Variants in IL12RB2 observed in about 807,000 individuals in gnomAD.
IL12RB2 encodes the protein interleukin 12 receptor subunit beta 2.
IL12RB2 carries 82 observed loss-of-function variants against 89.4 expected under a neutral mutation model. That is an observed-to-expected ratio of 0.92 (90% CI 0.77 to 1.10). The LOEUF is 1.10. Among genes scored for constraint, IL12RB2 ranks in the 50% least tolerant of loss-of-function variants. The pLI, the probability that IL12RB2 is intolerant of heterozygous loss-of-function variation, is 0.00. For synonymous variants in IL12RB2, 368 were observed against 370.1 expected (o/e 0.99, Z 0.07); for missense variants, 963 against 1,031.9 (o/e 0.93, Z 0.92).
intron 16 of IL12RB2, among the ~76,000 whole-genome samples, chr1:67,391,960 C>G (rs536505154): frequency 6.6e-6 from 1 of 152,222 alleles, no homozygotes; most frequent in South Asian, 2.1e-4. Flanking sequence ...GTATGATTAT[C>G]TTCATTTTCC....
chr1:67,374,344 A>G lies in IL12RB2; in HGVS notation c.1717+1561A>G, dbSNP rs1193078571. Among the ~76,000 whole-genome samples, 3 of 152,222 alleles carry G rather than the reference A, an allele frequency of 2.0e-5. No individual in the cohort carries two copies. In the East Asian group the frequency reaches 5.8e-4, roughly 29 times the overall value. On this transcript the variant is annotated intron_variant, in intron 13 of 16. Transcript: ENST00000674203. The stretch of plus-strand genomic sequence containing the variant: ...TCAGTCAGTTCTGAAATGCACCCCA[A>G]GAGGTAAGGAATCAATTGATCTCTT...
chr1:67,337,901 TA>T (rs11449571), intron 8 of IL12RB2, among the ~76,000 whole-genome samples: 2,769 of 132,276 alleles, frequency 0.021, 44 homozygotes, highest in African/African-American at 0.039. Context: ...TGCATTCTAG[TA>T]AAAAAAAAAA....
chr1:67,378,437 C>CAAAT (rs34410219), intron 13 of IL12RB2, among the ~76,000 whole-genome samples: 105,342 of 151,546 alleles, frequency 0.7, 36,747 homozygotes, highest in South Asian at 0.73. Flanking sequence ...TTACAGCTGC[C>CAAAT]AAATCTAATC....
chr1:67,384,991 T>C (rs763776330), intron 14 of IL12RB2, among the ~76,000 whole-genome samples: 14 of 152,228 alleles, frequency 9.2e-5, no homozygotes, highest in Non-Finnish European at 1.8e-4. Flanking sequence ...CTTTCCCACA[T>C]TTTCCTGTCT....
rs1305187628 is a variant in IL12RB2 at position 67,375,851 on chromosome 1, T to C, written c.1717+3068T>C. Among the ~76,000 whole-genome samples, 4 of 149,966 alleles carry C rather than the reference T, an allele frequency of 2.7e-5. No individual in the cohort carries two copies. The East Asian group carries it at 5.8e-4, about 22-fold the overall frequency. ...GGCCAGCACATTTTTCTTTTTCTTTTTTTTTTTTTTTTTGAGACAGAGTCT... is the reference window on the plus strand; with the variant it reads ...GGCCAGCACATTTTTCTTTTTCTTTCTTTTTTTTTTTTTGAGACAGAGTCT... On this transcript the variant is annotated intron_variant, in intron 13 of 16. Coordinates refer to ENST00000674203, the MANE Select transcript of IL12RB2 (RefSeq NM_001374259.2).
intron 11 of IL12RB2, among the ~76,000 whole-genome samples, chr1:67,371,859 G>A (rs996358777): frequency 3.3e-5 from 5 of 152,178 alleles, no homozygotes; most frequent in Non-Finnish European, 5.9e-5. Context: ...ATTGCACCCA[G>A]AGCACCCTGG....
At chr1:67,350,141 C>T (rs916638847) in intron 9 of IL12RB2, among the ~76,000 whole-genome samples, 6 of 152,198 alleles carry the variant, frequency 3.9e-5, no homozygotes, top group Admixed American at 1.3e-4. Context: ...GGATGGGCAC[C>T]GCCAATGCTA....
At chr1:67,386,445 G>A in intron 14 of IL12RB2, 134 bp from the exon 15 acceptor site, 2 of 753,070 alleles carry the variant, frequency 2.7e-6, no homozygotes, top group Non-Finnish European at 4.9e-6. Flanking sequence ...ATAGACAAAA[G>A]TGAATTTACC....
rs183728427 is a variant in IL12RB2, at chr1:67,396,605, A to C, written c.*516A>C. 6.5e-4 allele frequency: 113 copies of C among 174,484 alleles called. No individual in the cohort carries two copies. The highest frequency in any genetic ancestry group is 2.6e-3 in the African/African-American group (111 of 42,286). 10.8% of individuals were successfully genotyped at this position (174,484 alleles called of 1,614,324 possible). A position where few individuals can be genotyped will look rare whatever the true frequency, so the allele number is the denominator to read the frequency against. On this transcript the variant is annotated 3_prime_UTR_variant, in exon 17 of 17. Coordinates refer to ENST00000674203, the MANE Select transcript of IL12RB2 (RefSeq NM_001374259.2). ...GCACATTGGCTGTTAATCACTTGGA[A>C]TGTGTTTAGCTTGACTGAGGAATTA...
intron 4 of IL12RB2, among the ~76,000 whole-genome samples, chr1:67,324,413 G>T (rs920462886): frequency 1.3e-4 from 20 of 151,894 alleles, no homozygotes; most frequent in African/African-American, 4.6e-4. Context: ...TTAGAGAGGG[G>T]GTTTCACCAT....
chr1:67,344,412 C>T (rs1399705031), intron 9 of IL12RB2, among the ~76,000 whole-genome samples: 4 of 152,158 alleles, frequency 2.6e-5, no homozygotes, highest in Non-Finnish European at 5.9e-5. Context: ...CATGCCTCAG[C>T]CTCCCAGGTA....
intron 7 of IL12RB2, 21 bp from the exon 8 acceptor site, chr1:67,330,639 T>A (rs1389913160): frequency 1.5e-6 from 2 of 1,331,214 alleles, no homozygotes; most frequent in African/African-American, 1.4e-5. Context: ...ATAGGCACTT[T>A]AAAAAAATGT....
intron 8 of IL12RB2, among the ~76,000 whole-genome samples, chr1:67,334,637 G>A (rs921211640): frequency 2.0e-5 from 3 of 151,746 alleles, no homozygotes; most frequent in Non-Finnish European, 4.4e-5. Flanking sequence ...CCGCCACCAC[G>A]CCCGGCTAAT....
chr1:67,372,216 T>C (rs1365652464), intron 11 of IL12RB2, among the ~76,000 whole-genome samples: 1 of 152,188 alleles, frequency 6.6e-6, no homozygotes. Flanking sequence ...TCTCATCCTT[T>C]GAAGTTGGGA....
chr1:67,369,570 A>C (rs1457320877), intron 11 of IL12RB2, among the ~76,000 whole-genome samples: 1 of 152,230 alleles, frequency 6.6e-6, no homozygotes. Context: ...GGTGAAAGTG[A>C]ATAGAAAAAG....
chr1:67,367,755 T>A (rs1380733515), intron 10 of IL12RB2, 70 bp from the exon 11 acceptor site: 5 of 927,176 alleles, frequency 5.4e-6, no homozygotes, highest in African/African-American at 3.3e-5. Context: ...GCTGTTTGGC[T>A]TTTTTTGTTG....
chr1:67,383,505 T>C (rs1231086807), intron 14 of IL12RB2, among the ~76,000 whole-genome samples: 1 of 152,144 alleles, frequency 6.6e-6, no homozygotes, highest in Non-Finnish European at 1.5e-5. Context: ...CAAAGTCTCA[T>C]CTGAGACAAA....
Position 67,329,710 on chromosome 1 carries a change from A to G in IL12RB2, c.788A>G (p.Asn263Ser), listed in dbSNP as rs1657805708. Reference protein sequence around the residue: ...LLNRLRYRPSNSRLWNMVNVT... With the variant: ...LLNRLRYRPSSSRLWNMVNVT... The stretch of plus-strand genomic sequence containing the variant: ...AATCGACTCAGATATCGGCCCAGTA[A>G]CAGCAGGCTCTGGAATATGGTAATT... The change falls in exon 7 of 17, where the codon AAC (asparagine) becomes AGC (serine). Residue 263 changes from asparagine (N) to serine (S), a missense_variant. Coordinates refer to ENST00000674203, the MANE Select transcript of IL12RB2 (RefSeq NM_001374259.2). The G allele has an allele frequency of 6.2e-7, 1 of 1,608,154 alleles. No individual in the cohort carries two copies. Among genetic ancestry groups the G allele is most frequent in the Non-Finnish European group, 8.5e-7 (1 of 1,174,652 alleles).
chr1:67,328,811 A>C lies in IL12RB2; in HGVS notation c.664+427A>C, dbSNP rs1353715941. Among the ~76,000 whole-genome samples the C allele has an allele frequency of 2.0e-5, 3 of 152,186 alleles. No individual in the cohort carries two copies. In the East Asian group the frequency reaches 5.8e-4, roughly 29 times the overall value. On this transcript the variant is annotated intron_variant, in intron 6 of 16. Transcript: ENST00000674203. Reference sequence around the variant, plus strand: ...CTGCTAGGCTAGAGCAGCGAGGTACAAACTATAAATAAAATTTCTCAAGTC... The same window carrying C: ...CTGCTAGGCTAGAGCAGCGAGGTACCAACTATAAATAAAATTTCTCAAGTC...
Sources: allele counts gnomAD v4.1 joint callset (sites outside exome capture counted in the v4.1 genomes callset), GRCh38; gene constraint gnomAD v4.1.1; transcripts MANE v1.5; gene names NCBI Gene and HGNC (gene_info 2026-07-23, HGNC 2026-07-21).